RNF152: variants seen among roughly 807,000 people sequenced by gnomAD.
RNF152 encodes the protein E3 ubiquitin-protein ligase RNF152.
In RNF152, 11 loss-of-function variants were observed where a neutral mutation model predicts 12.7. The ratio of observed to expected loss-of-function variants is 0.86; its 90% CI spans 0.54 to 1.43. RNF152 has a LOEUF of 1.43. Among genes scored for constraint, RNF152 ranks in the 40% most tolerant of loss-of-function variants. The probability of loss-of-function intolerance (pLI) is 0.00; values close to 1 mark genes in which losing one functional copy is unlikely to be tolerated. For synonymous variants in RNF152, 113 were observed against 120.3 expected, an observed-to-expected ratio of 0.94 and a Z score of 0.40; for missense variants, 255 against 274.8, an observed-to-expected ratio of 0.93 and a Z score of 0.51.
rs970927108 is a variant in RNF152 at position 61,811,978 on chromosome 18, T to C, written c.*3874A>G. ...AAGCAACAGTTCCAAAGGGCAACAA[T>C]GAATTTTTACTGTCATACTTGAGAT... On this transcript the variant is annotated 3_prime_UTR_variant, in exon 2 of 2. Coordinates refer to ENST00000312828, the MANE Select transcript of RNF152 (RefSeq NM_173557.3). 1 of 152,178 alleles carries C rather than the reference T, an allele frequency of 6.6e-6. No individual in the cohort carries two copies. The highest frequency in any genetic ancestry group is 1.5e-5 in the Non-Finnish European group (1 of 68,030). 9.4% of individuals were successfully genotyped at this position (152,178 alleles called of 1,614,324 possible).
chr18:61,851,613 T>C (rs1910984772), intron 1 of RNF152, among the ~76,000 whole-genome samples: 1 of 152,194 alleles, frequency 6.6e-6, no homozygotes, highest in South Asian at 2.1e-4. Flanking sequence ...ACACAGTAAG[T>C]TTCAGAGCCA....
At chr18:61,880,277 C>T (rs1269830881) in intron 1 of RNF152, among the ~76,000 whole-genome samples, 1 of 152,186 alleles carries the variant, frequency 6.6e-6, no homozygotes, top group African/African-American at 2.4e-5. Flanking sequence ...AATTGTCCAT[C>T]TTTGTTCCCA....
intron 1 of RNF152, among the ~76,000 whole-genome samples, chr18:61,879,135 T>C (rs774060668): frequency 2.0e-5 from 3 of 152,158 alleles, no homozygotes; most frequent in African/African-American, 7.2e-5. Context: ...CAACCAACCA[T>C]GGATCAAAAA....
intron 1 of RNF152, among the ~76,000 whole-genome samples, chr18:61,835,172 T>C (rs1455116892): frequency 6.6e-6 from 1 of 152,244 alleles, no homozygotes; most frequent in Non-Finnish European, 1.5e-5. Flanking sequence ...TTTGCAAGTA[T>C]TCATTCTGAA....
chr18:61,844,947 T>C (rs573787588), intron 1 of RNF152, among the ~76,000 whole-genome samples: 1 of 152,308 alleles, frequency 6.6e-6, no homozygotes, highest in African/African-American at 2.4e-5. Context: ...AAAGAGCCTA[T>C]TTCATTCATT....
At position 61,891,911 on chromosome 18, in the gene RNF152, C is replaced by T. The variant is rs531250449; in HGVS notation, c.-136+884G>A. On this transcript the variant is annotated intron_variant, in intron 1 of 1. Coordinates refer to ENST00000312828, the MANE Select transcript of RNF152 (RefSeq NM_173557.3). ...CAATCTGTCTTCCTACAAGAAAAAT[C>T]GAAAGCCCATTTCCATAACCATTCT... 1.2e-4 allele frequency among the ~76,000 whole-genome samples: 19 copies of T among 152,300 alleles called. No homozygotes were observed. In the East Asian group the frequency reaches 1.7e-3, roughly 14 times the overall value.
intron 1 of RNF152, among the ~76,000 whole-genome samples, chr18:61,829,610 G>C (rs750218504): frequency 6.6e-6 from 1 of 151,242 alleles, no homozygotes; most frequent in Non-Finnish European, 1.5e-5. Context: ...GAGAGAGAGA[G>C]AGAGACATCC....
At position 61,814,113 on chromosome 18, in the gene RNF152, C is replaced by G. The variant is rs556996101; in HGVS notation, c.*1739G>C. 2 of 152,234 alleles carry G rather than the reference C, an allele frequency of 1.3e-5. No homozygotes were observed. Among genetic ancestry groups the G allele is most frequent in the South Asian group, 4.2e-4 (2 of 4,812 alleles). The allele number at this position is 152,234 out of a possible 1,614,324, so 9.4% of individuals were successfully genotyped here. On this transcript the variant is annotated 3_prime_UTR_variant, in exon 2 of 2. Coordinates refer to ENST00000312828, the MANE Select transcript of RNF152 (RefSeq NM_173557.3). ...ACAATTTTATGTTGAATTCTCATGC[C>G]AATTAGCAGTATTAGCTTTGTATTC...
intron 1 of RNF152, among the ~76,000 whole-genome samples, chr18:61,853,197 G>C (rs1307029374): frequency 6.6e-6 from 1 of 152,088 alleles, no homozygotes; most frequent in Non-Finnish European, 1.5e-5. Flanking sequence ...TATAGGTCTG[G>C]AGCCCAGATG....
chr18:61,852,869 TGAA>T (rs1387727230), intron 1 of RNF152, among the ~76,000 whole-genome samples: 1 of 152,174 alleles, frequency 6.6e-6, no homozygotes, highest in Non-Finnish European at 1.5e-5. Flanking sequence ...AATTTCACAA[TGAA>T]GAAGTATTCA....
At chr18:61,889,674 A>G (rs1360935840) in intron 1 of RNF152, among the ~76,000 whole-genome samples, 1 of 152,208 alleles carries the variant, frequency 6.6e-6, no homozygotes, top group Non-Finnish European at 1.5e-5. Context: ...TTTTCTAAAC[A>G]TCAAAGTAAC....
intron 1 of RNF152, among the ~76,000 whole-genome samples, chr18:61,851,787 T>A (rs9949250): frequency 1.1e-3 from 163 of 152,232 alleles, no homozygotes; most frequent in African/African-American, 3.6e-3. Context: ...AGCCTCTACT[T>A]GGTCAATACC....
intron 1 of RNF152, among the ~76,000 whole-genome samples, chr18:61,839,837 G>A (rs1345409332): frequency 6.6e-6 from 1 of 152,230 alleles, no homozygotes; most frequent in Non-Finnish European, 1.5e-5. Flanking sequence ...AGAGCTTGCA[G>A]TGGGCCGAGA....
At chr18:61,837,430 C>G (rs1478509425) in intron 1 of RNF152, among the ~76,000 whole-genome samples, 1 of 152,150 alleles carries the variant, frequency 6.6e-6, no homozygotes, top group East Asian at 1.9e-4. Context: ...AGAGAATGTC[C>G]TTATTATCAG....
At chr18:61,883,279 C>A (rs1025422436) in intron 1 of RNF152, among the ~76,000 whole-genome samples, 4 of 152,106 alleles carry the variant, frequency 2.6e-5, no homozygotes, top group Non-Finnish European at 4.4e-5. Context: ...TGTACCGGGC[C>A]CCAAGCGGCT....
chr18:61,876,043 C>G (rs1444207393), intron 1 of RNF152, among the ~76,000 whole-genome samples: 2 of 152,152 alleles, frequency 1.3e-5, no homozygotes, highest in Admixed American at 6.5e-5. Context: ...CATACTATTC[C>G]TACTCCCATA....
intron 1 of RNF152, among the ~76,000 whole-genome samples, chr18:61,889,359 G>A (rs928249965): frequency 6.6e-6 from 1 of 152,134 alleles, no homozygotes; most frequent in Non-Finnish European, 1.5e-5. Flanking sequence ...TATGCTTAAG[G>A]TATTTATCAA....
chr18:61,817,824 G>A (rs1160452948), intron 1 of RNF152, among the ~76,000 whole-genome samples: 4 of 151,724 alleles, frequency 2.6e-5, no homozygotes, highest in African/African-American at 4.8e-5. Context: ...GTTTGGGAAT[G>A]TCCTCTAACG....
At chr18:61,887,100 T>G (rs1256138419) in intron 1 of RNF152, among the ~76,000 whole-genome samples, 2 of 152,202 alleles carry the variant, frequency 1.3e-5, no homozygotes, top group Non-Finnish European at 2.9e-5. Context: ...CCAGCTAATG[T>G]TCAGTTTTAA....
Sources: gnomAD v4.1 joint callset for allele counts (sites outside exome capture counted in the v4.1 genomes callset) on GRCh38, gnomAD v4.1.1 for gene constraint, MANE v1.5 for transcripts, NCBI Gene and HGNC (gene_info 2026-07-23, HGNC 2026-07-21) for gene names.